DPP10: variants seen among roughly 807,000 people sequenced by gnomAD.
DPP10 encodes dipeptidyl peptidase like 10.
A neutral mutation model predicts 120.9 loss-of-function variants in DPP10; 33 were observed. That is an observed-to-expected ratio of 0.27 (90% CI 0.21 to 0.37). The LOEUF is 0.37. Ranked by LOEUF, DPP10 falls within the 10% of genes least tolerant of loss-of-function variation. The pLI is 1.00. For missense variants in DPP10, 816 were observed against 942.8 expected, an observed-to-expected ratio of 0.87 and a Z score of 1.76; for synonymous variants, 337 against 326.1, an observed-to-expected ratio of 1.03 and a Z score of -0.36.
chr2:114,954,838 C>T (rs6736218), intron 1 of DPP10, among the ~76,000 whole-genome samples: 150,181 of 152,298 alleles, frequency 0.99, 74,075 homozygotes, highest in Non-Finnish European at 1. Flanking sequence ...TGAACAAATA[C>T]ATGCCAACAA....
intron 7 of DPP10, among the ~76,000 whole-genome samples, chr2:115,720,774 T>G (rs991675910): frequency 6.6e-6 from 1 of 152,178 alleles, no homozygotes; most frequent in Non-Finnish European, 1.5e-5. Context: ...TTCTAAGATG[T>G]GTTCTTAAAG....
At chr2:114,848,557 T>G (rs1308487012) in intron 1 of DPP10, among the ~76,000 whole-genome samples, 1 of 152,094 alleles carries the variant, frequency 6.6e-6, no homozygotes, top group Non-Finnish European at 1.5e-5. Flanking sequence ...AAAACTGATA[T>G]TTCACATTTT....
intron 2 of DPP10, among the ~76,000 whole-genome samples, chr2:115,312,589 G>A (rs1278150114): frequency 2.0e-5 from 3 of 152,084 alleles, no homozygotes; most frequent in African/African-American, 4.8e-5. Context: ...TTTTGCGTGT[G>A]TCTGGCTGTG....
intron 1 of DPP10, among the ~76,000 whole-genome samples, chr2:114,564,071 C>G (rs1030120780): frequency 2.6e-5 from 4 of 152,126 alleles, no homozygotes; most frequent in South Asian, 2.1e-4. Flanking sequence ...CCTTTGTGCT[C>G]CATTTTTTCC....
chr2:115,590,020 TG>T (rs1212689567), intron 5 of DPP10, among the ~76,000 whole-genome samples: 3 of 151,942 alleles, frequency 2.0e-5, no homozygotes, highest in Admixed American at 6.6e-5. Flanking sequence ...TTTATCTCCC[TG>T]CTTTTTGTTT....
chr2:114,640,660 T>A (rs865967662), intron 1 of DPP10, among the ~76,000 whole-genome samples: 4 of 151,994 alleles, frequency 2.6e-5, no homozygotes, highest in Middle Eastern at 6.8e-3. Flanking sequence ...TTCCTCGACA[T>A]CATGGATGTT....
At chr2:114,720,745 T>TAC (rs1306491119) in intron 1 of DPP10, among the ~76,000 whole-genome samples, 8 of 152,206 alleles carry the variant, frequency 5.3e-5, no homozygotes, top group Non-Finnish European at 1.2e-4. Flanking sequence ...ACATGAAATA[T>TAC]ACATTTCTTG....
At chr2:114,622,439 C>T (rs1324409855) in intron 1 of DPP10, among the ~76,000 whole-genome samples, 1 of 149,908 alleles carries the variant, frequency 6.7e-6, no homozygotes, top group African/African-American at 2.5e-5. Context: ...CATTACTTTA[C>T]AATTGCCTCC....
chr2:115,092,759 T>C (rs1193725445), intron 1 of DPP10, among the ~76,000 whole-genome samples: 1 of 152,166 alleles, frequency 6.6e-6, no homozygotes, highest in Admixed American at 6.5e-5. Context: ...AAACTACTTG[T>C]TTTACCTTTG....
At position 115,362,600 on chromosome 2, in the gene DPP10, G is replaced by C. The variant is rs113842498; in HGVS notation, c.271+18688G>C. 5.6e-3 allele frequency among the ~76,000 whole-genome samples: 855 copies of C among 152,268 alleles called. 1 individual carries two copies. The highest frequency in any genetic ancestry group is 9.7e-3 in the Non-Finnish European group (658 of 68,024). ...TGTTTTAGAGAGGTTGGGTGATCAT[G>C]TGATAAAGATATATTAGTGAGATTC... On this transcript the variant is annotated intron_variant, in intron 3 of 25. Transcript: ENST00000410059.
In DPP10 at chr2:115,737,866, G is replaced by A. The variant is rs140590527; in HGVS notation, c.698-1873G>A. On this transcript the variant is annotated intron_variant, in intron 8 of 25. Transcript: ENST00000410059. ...CTACTAGATTTCTAGAAACATCCCC[G>A]GTGTTGCACACTTTTAAATTTTAAA... 5.3e-5 allele frequency among the ~76,000 whole-genome samples: 8 copies of A among 152,044 alleles called. No individual in the cohort carries two copies. In the South Asian group the frequency reaches 6.2e-4, roughly 12 times the overall value.
chr2:115,167,506 C>T (rs2052980550), intron 1 of DPP10, among the ~76,000 whole-genome samples: 1 of 150,568 alleles, frequency 6.6e-6, no homozygotes, highest in Admixed American at 6.7e-5. Context: ...ACTCAGGAGG[C>T]TGCGGTGGGA....
intron 1 of DPP10, among the ~76,000 whole-genome samples, chr2:114,898,647 A>G (rs1033952001): frequency 3.9e-5 from 6 of 152,206 alleles, no homozygotes; most frequent in Non-Finnish European, 7.4e-5. Flanking sequence ...AAATGTCTAT[A>G]TTGGGTAGGA....
At chr2:115,384,565 GAA>G (rs2066738179) in intron 3 of DPP10, among the ~76,000 whole-genome samples, 1 of 144,716 alleles carries the variant, frequency 6.9e-6, no homozygotes, top group Non-Finnish European at 1.5e-5. Context: ...AGAGGAAGAA[GAA>G]GAAGAAGAGG....
intron 1 of DPP10, among the ~76,000 whole-genome samples, chr2:114,827,607 C>T (rs917766194): frequency 7.2e-5 from 11 of 152,016 alleles, no homozygotes; most frequent in Non-Finnish European, 1.3e-4. Flanking sequence ...TTAATTGTTA[C>T]TTGCTTTGTG....
At chr2:114,784,214 C>T (rs940964864) in intron 1 of DPP10, among the ~76,000 whole-genome samples, 6 of 152,016 alleles carry the variant, frequency 3.9e-5, no homozygotes, top group Admixed American at 3.9e-4. Flanking sequence ...GCTTTCTTCC[C>T]ATTCATTTTT....
intron 5 of DPP10, among the ~76,000 whole-genome samples, chr2:115,528,987 T>C (rs929474478): frequency 6.6e-6 from 1 of 152,112 alleles, no homozygotes; most frequent in African/African-American, 2.4e-5. Flanking sequence ...GTTGTTTACT[T>C]GACCAGGATT....
At chr2:115,374,690 G>T (rs1348397831) in intron 3 of DPP10, among the ~76,000 whole-genome samples, 1 of 152,226 alleles carries the variant, frequency 6.6e-6, no homozygotes, top group African/African-American at 2.4e-5. Context: ...CCAGACAGAG[G>T]TTCCCAAACT....
chr2:115,778,450 A>T (rs1017606678), intron 15 of DPP10, among the ~76,000 whole-genome samples: 15 of 152,096 alleles, frequency 9.9e-5, no homozygotes, highest in Non-Finnish European at 1.5e-5. Context: ...TTAAGCTCAC[A>T]CCTATTTAGT....
Sources: allele counts gnomAD v4.1 joint callset (sites outside exome capture counted in the v4.1 genomes callset), GRCh38; gene constraint gnomAD v4.1.1; transcripts MANE v1.5; gene names NCBI Gene and HGNC (gene_info 2026-07-23, HGNC 2026-07-21).